Variants in CNTNAP4 observed in about 807,000 individuals in gnomAD.
CNTNAP4 encodes contactin associated protein family member 4, also known as contactin-associated protein-like 4.
A neutral mutation model predicts 148.4 loss-of-function variants in CNTNAP4; 98 were observed. The ratio of observed to expected loss-of-function variants is 0.66; its 90% confidence interval spans 0.56 to 0.78. CNTNAP4 has a LOEUF of 0.78. Among genes scored for constraint, CNTNAP4 ranks in the 30% least tolerant of loss-of-function variants. CNTNAP4 has a pLI of 0.00. For synonymous variants in CNTNAP4, 730 were observed against 565.1 expected (o/e 1.29, Z -4.14); for missense variants, 1,935 against 1,565.6 (o/e 1.24, Z -3.98).
chr16:76,498,811 ATT>A, intron 15 of CNTNAP4, 117 bp downstream of exon 15: 2 of 1,071,068 alleles, frequency 1.9e-6, no homozygotes, highest in African/African-American at 1.6e-5. Flanking sequence ...TATTGTGAAC[ATT>A]TTTTTTGTTT....
chr16:76,348,417 G>C (rs1479533207), intron 2 of CNTNAP4, among the ~76,000 whole-genome samples: 3 of 152,044 alleles, frequency 2.0e-5, no homozygotes, highest in Non-Finnish European at 4.4e-5. Flanking sequence ...AAATTCATCA[G>C]GCTAAGAGAG....
chr16:76,378,859 T>A (rs2015693063), intron 3 of CNTNAP4, among the ~76,000 whole-genome samples: 1 of 152,168 alleles, frequency 6.6e-6, no homozygotes, highest in South Asian at 2.1e-4. Context: ...TGCATCAAGT[T>A]CAGGTTTGCG....
At chr16:76,529,298 G>T (rs1413872341) in intron 17 of CNTNAP4, among the ~76,000 whole-genome samples, 1 of 152,000 alleles carries the variant, frequency 6.6e-6, no homozygotes, top group Non-Finnish European at 1.5e-5. Context: ...ATTCAGAACT[G>T]CCTCTTATTG....
At chr16:76,307,689 A>G (rs1382911180) in intron 1 of CNTNAP4, among the ~76,000 whole-genome samples, 3 of 151,796 alleles carry the variant, frequency 2.0e-5, no homozygotes, top group African/African-American at 7.3e-5. Flanking sequence ...TGCTCTCTTT[A>G]CTTTCTAAAA....
At chr16:76,427,704 A>C in intron 4 of CNTNAP4, 105 bp downstream of exon 4, 2 of 1,048,418 alleles carry the variant, frequency 1.9e-6, no homozygotes, top group East Asian at 2.8e-5. Context: ...AAGAGGTATA[A>C]AAAATAGGAA....
chr16:76,511,838 G>GGAGAGAGAGAGAGA lies in CNTNAP4; in HGVS notation c.2366-9291_2366-9278dup, dbSNP rs61708542. Among the ~76,000 whole-genome samples the GGAGAGAGAGAGAGA allele has an allele frequency of 1.6e-3, 240 of 148,264 alleles. 3 individuals are homozygous for GGAGAGAGAGAGAGA. The highest frequency in any genetic ancestry group is 0.013 in the East Asian group (64 of 4,958). Reference sequence around the variant, plus strand: ...GTATTCTTGGAGCTTATATTTTCTTGGAGAGAGAGAGAGAGAGAGAGAGAC... The same window carrying GGAGAGAGAGAGAGA: ...GTATTCTTGGAGCTTATATTTTCTTGGAGAGAGAGAGAGAGAGAGAGAGAGAGAGAGAGAGAGAC... On this transcript the variant is annotated intron_variant, in intron 15 of 23. Transcript: ENST00000611870.
chr16:76,394,375 A>G (rs12443864), intron 3 of CNTNAP4, among the ~76,000 whole-genome samples: 21,328 of 152,182 alleles, frequency 0.14, 2,324 homozygotes, highest in East Asian at 0.46. Flanking sequence ...TGAAAAGTCT[A>G]AAAAAAGCAA....
chr16:76,435,567 T>C (rs1321109049), intron 4 of CNTNAP4, among the ~76,000 whole-genome samples: 1 of 152,176 alleles, frequency 6.6e-6, no homozygotes, highest in Non-Finnish European at 1.5e-5. Context: ...TCTTCAAAGA[T>C]GCAGATGCTG....
Position 76,403,045 on chromosome 16 carries a change from A to T in CNTNAP4, c.391-24407A>T, listed in dbSNP as rs183455207. 1.7e-3 allele frequency among the ~76,000 whole-genome samples: 263 copies of T among 151,994 alleles called. 1 individual carries two copies. Among genetic ancestry groups the T allele is most frequent in the African/African-American group, 6.1e-3 (254 of 41,438 alleles). ...TTTGGGTGAAGAAAAAAACAACTCC[A>T]TTAAAACGCGGGAAAAGGACATGAA... On this transcript the variant is annotated intron_variant, in intron 3 of 23. Coordinates refer to ENST00000611870, the MANE Select transcript of CNTNAP4 (RefSeq NM_033401.5).
rs757450154 is a variant in CNTNAP4, at chr16:76,495,075, C to T, written c.2237+9C>T. ...GCTGACCGGAATGAATGGTGATTTC[C>T]ATATGATTTCTTTATGCAAGAAAAA... On this transcript the variant is annotated intron_variant, in intron 14 of 23. Coordinates refer to ENST00000611870, the MANE Select transcript of CNTNAP4 (RefSeq NM_033401.5). 1.4e-5 allele frequency: 23 copies of T among 1,611,508 alleles called. No homozygotes were observed. In the East Asian group the frequency reaches 4.0e-4, roughly 28 times the overall value.
chr16:76,333,480 G>C (rs1963723553), intron 2 of CNTNAP4, among the ~76,000 whole-genome samples: 1 of 152,026 alleles, frequency 6.6e-6, no homozygotes, highest in Non-Finnish European at 1.5e-5. Context: ...TATTTGTTGA[G>C]ACATCATTCT....
At chr16:76,466,217 A>G (rs1385876460) in intron 9 of CNTNAP4, among the ~76,000 whole-genome samples, 1 of 152,192 alleles carries the variant, frequency 6.6e-6, no homozygotes, top group Non-Finnish European at 1.5e-5. Flanking sequence ...TTCACTTAAC[A>G]TAATGATCTC....
intron 3 of CNTNAP4, among the ~76,000 whole-genome samples, chr16:76,417,644 A>G (rs1234197565): frequency 6.6e-6 from 1 of 151,654 alleles, no homozygotes; most frequent in Admixed American, 6.6e-5. Context: ...TCATTAACTA[A>G]GAATAAGAAA....
chr16:76,517,090 T>A (rs1024128513), intron 15 of CNTNAP4, among the ~76,000 whole-genome samples: 2 of 152,312 alleles, frequency 1.3e-5, no homozygotes, highest in Admixed American at 6.5e-5. Context: ...TGATTTTTTT[T>A]AAAAGTAAGC....
intron 15 of CNTNAP4, among the ~76,000 whole-genome samples, chr16:76,512,675 A>C (rs1433470457): frequency 6.6e-6 from 1 of 152,174 alleles, no homozygotes; most frequent in Non-Finnish European, 1.5e-5. Flanking sequence ...TAAAGCCACA[A>C]GATGGAACAG....
chr16:76,348,012 A>G (rs1965052125), intron 2 of CNTNAP4, among the ~76,000 whole-genome samples: 1 of 152,134 alleles, frequency 6.6e-6, no homozygotes, highest in Admixed American at 6.5e-5. Context: ...AGGAAGAAAG[A>G]GAGACTTACT....
In CNTNAP4 at chr16:76,409,953, C is replaced by G. The variant is rs542492490; in HGVS notation, c.391-17499C>G. 3.0e-4 allele frequency among the ~76,000 whole-genome samples: 46 copies of G among 151,960 alleles called. 1 individual carries two copies. Among genetic ancestry groups the G allele is most frequent in the Admixed American group, 2.8e-3 (42 of 15,206 alleles). On this transcript the variant is annotated intron_variant, in intron 3 of 23. Transcript: ENST00000611870. ...TTATGAAGGAGGCAGATGTTAATCT[C>G]TTCATCTTACTTAATTTGGATATCA...
intron 3 of CNTNAP4, among the ~76,000 whole-genome samples, chr16:76,378,489 T>C (rs1400233467): frequency 6.6e-6 from 1 of 152,156 alleles, no homozygotes; most frequent in Admixed American, 6.5e-5. Flanking sequence ...CATAGGTGTA[T>C]AAGACCAGGA....
At chr16:76,395,079 G>T (rs1481963040) in intron 3 of CNTNAP4, among the ~76,000 whole-genome samples, 1 of 152,088 alleles carries the variant, frequency 6.6e-6, no homozygotes, top group Non-Finnish European at 1.5e-5. Flanking sequence ...TACTTCTGAT[G>T]GCAAAACGTG....
Sources: gnomAD v4.1 joint callset for allele counts (sites outside exome capture counted in the v4.1 genomes callset) on GRCh38, gnomAD v4.1.1 for gene constraint, MANE v1.5 for transcripts, NCBI Gene and HGNC (gene_info 2026-07-23, HGNC 2026-07-21) for gene names.